The following TMPRSS9 variants were observed in gnomAD, a reference collection of about 807,000 sequenced individuals.
TMPRSS9 encodes transmembrane serine protease 9, also known as transmembrane protease serine 9.
TMPRSS9 carries 113 observed loss-of-function variants against 111.4 expected under a neutral mutation model. The observed-to-expected ratio is 1.01, with a 90% CI of 0.87 to 1.19. TMPRSS9 has a LOEUF of 1.19. Ranked by LOEUF, TMPRSS9 falls within the 50% of genes most tolerant of loss-of-function variation. The pLI is 0.00. For missense variants in TMPRSS9, 1,803 were observed against 1,513.1 expected (o/e 1.19, Z -3.18); for synonymous variants, 805 against 659.1 (o/e 1.22, Z -3.39).
intron 8 of TMPRSS9, among the ~76,000 whole-genome samples, chr19:2,409,318 T>A (rs975478809): frequency 3.3e-5 from 5 of 151,724 alleles, no homozygotes; most frequent in African/African-American, 1.2e-4. Context: ...TATTTTTGTA[T>A]TTTTTAGTAG....
intron 9 of TMPRSS9, among the ~76,000 whole-genome samples, 162 bp downstream of exon 10, chr19:2,410,556 A>G (rs933298752): frequency 1.3e-5 from 2 of 152,148 alleles, no homozygotes; most frequent in African/African-American, 2.4e-5. Flanking sequence ...TGGGCGATTC[A>G]CAGATATCTG....
intron 12 of TMPRSS9, among the ~76,000 whole-genome samples, chr19:2,417,323 G>A (rs145405215): frequency 0.013 from 1,943 of 152,092 alleles, 42 homozygotes; most frequent in African/African-American, 0.045. Context: ...AAAATTAGCC[G>A]GGTGTGGTGA....
rs373158411 is a variant in TMPRSS9 at position 2,418,353 on chromosome 19, C to T, written c.2154+215C>T. On this transcript the variant is annotated intron_variant, in intron 13 of 17. Transcript: ENST00000648592. ...TCCCTTTCCTTCCCTCCCTTTCCCT[C>T]CCTCCCTCCCTTCCCTTCCCTCCCT... Among the ~76,000 whole-genome samples the T allele has an allele frequency of 5.0e-3, 248 of 49,652 alleles. 19 individuals are homozygous for T. In the East Asian group the frequency reaches 0.062, roughly 12 times the overall value. The allele number at this position is 49,652 out of a possible 152,430, so 32.6% of individuals were successfully genotyped here. A position where few individuals can be genotyped will look rare whatever the true frequency, so the allele number is the denominator to read the frequency against.
chr19:2,367,075 A>G (rs768190924), intron 1 of TMPRSS9, among the ~76,000 whole-genome samples: 2 of 152,082 alleles, frequency 1.3e-5, no homozygotes, highest in Non-Finnish European at 2.9e-5. Context: ...AGAAAGAACA[A>G]AGCCATAGTG....
intron 17 of TMPRSS9, 29 bp downstream of exon 18, chr19:2,425,522 G>A (rs1467731135): frequency 2.2e-5 from 33 of 1,515,440 alleles, no homozygotes; most frequent in Non-Finnish European, 2.9e-5. Context: ...CAGGGGACCA[G>A]GTCCCGCCCA....
Position 2,379,621 on chromosome 19 carries a change from CT to C in TMPRSS9, c.-25-10137del, listed in dbSNP as rs1027529979. On this transcript the variant is annotated intron_variant, in intron 1 of 17. Coordinates refer to the TMPRSS9 transcript ENST00000649857. ...CCCTAAACTAACTTTCTTTCTCTTT[CT>C]TTCTTTCTTTCTTTCTTTCTTTCTT... is the stretch of plus-strand genomic sequence containing the variant. Among the ~76,000 whole-genome samples the C allele has an allele frequency of 2.8e-3, 355 of 128,566 alleles. 1 individual carries two copies. The highest frequency in any genetic ancestry group is 0.011 in the African/African-American group (342 of 31,848). The allele number at this position is 128,566 out of a possible 152,430, so 84.3% of individuals were successfully genotyped here.
chr19:2,378,212 T>C (rs982641230), intron 1 of TMPRSS9, among the ~76,000 whole-genome samples: 1 of 152,092 alleles, frequency 6.6e-6, no homozygotes, highest in African/African-American at 2.4e-5. Flanking sequence ...CAGTCTCAGG[T>C]ATTTCTTTAC....
intron 2 of TMPRSS9, among the ~76,000 whole-genome samples, chr19:2,398,532 C>T (rs139280046): frequency 0.074 from 11,266 of 151,872 alleles, 1,406 homozygotes; most frequent in African/African-American, 0.26. Context: ...GCAGCAGAAT[C>T]GCTTGAACCT....
At chr19:2,408,715 G>T (rs1319540973) in intron 8 of TMPRSS9, 85 bp downstream of exon 9, 32 of 1,516,910 alleles carry the variant, frequency 2.1e-5, no homozygotes, top group Non-Finnish European at 2.5e-5. Flanking sequence ...GGTGGCTCAC[G>T]CCTGTCATCC....
chr19:2,385,050 C>T (rs924876833), upstream of TMPRSS9, among the ~76,000 whole-genome samples: 8 of 151,700 alleles, frequency 5.3e-5, no homozygotes, highest in East Asian at 1.4e-3. Flanking sequence ...AATCCCAGCA[C>T]TTTGGGAGGC....
At chr19:2,422,915 G>A (rs1476283224) in intron 14 of TMPRSS9, among the ~76,000 whole-genome samples, 3 of 151,964 alleles carry the variant, frequency 2.0e-5, no homozygotes, top group Non-Finnish European at 2.9e-5. Context: ...TAAAAAGCCA[G>A]GCGTGATGGT....
chr19:2,415,086 A>G (rs573595959), intron 10 of TMPRSS9, among the ~76,000 whole-genome samples: 5 of 151,572 alleles, frequency 3.3e-5, no homozygotes, highest in Non-Finnish European at 5.9e-5. Flanking sequence ...CTGGGATTAC[A>G]GGTGCCCATC....
At chr19:2,397,379 C>T (rs1311143336) in intron 2 of TMPRSS9, among the ~76,000 whole-genome samples, 2 of 151,086 alleles carry the variant, frequency 1.3e-5, no homozygotes, top group African/African-American at 4.9e-5. Context: ...CAACCTCTGC[C>T]TCCCGGGTTC....
At chr19:2,395,957 G>A (rs1191719423) in intron 1 of TMPRSS9, among the ~76,000 whole-genome samples, 3 of 152,148 alleles carry the variant, frequency 2.0e-5, no homozygotes, top group African/African-American at 7.2e-5. Flanking sequence ...GCAGTGAGCC[G>A]AGATTGCGCC....
chr19:2,415,862 G>A (rs1456711789), intron 11 of TMPRSS9, 21 bp downstream of exon 12: 1 of 1,553,952 alleles, frequency 6.4e-7, no homozygotes, highest in Non-Finnish European at 8.7e-7. Flanking sequence ...CCTCCTCCAG[G>A]AAGGCTGCCC....
chr19:2,360,401 C>G (rs1040575272), intron 1 of TMPRSS9, among the ~76,000 whole-genome samples, 41 bp downstream of exon 1: 1 of 152,238 alleles, frequency 6.6e-6, no homozygotes, highest in African/African-American at 2.4e-5. Context: ...CCCCTCGGAA[C>G]AGCCCCCACT....
At position 2,379,730 on chromosome 19, in the gene TMPRSS9, T is replaced by TTCTC. The variant is rs773251268; in HGVS notation, c.-25-10014_-25-10011dup. Among the ~76,000 whole-genome samples the TTCTC allele has an allele frequency of 4.1e-5, 6 of 145,538 alleles. No individual in the cohort carries two copies. In the East Asian group the frequency reaches 5.9e-4, roughly 14 times the overall value. On this transcript the variant is annotated intron_variant, in intron 1 of 17. Coordinates refer to the TMPRSS9 transcript ENST00000649857. ...CCTCTCTCCCTTCCTCTTTTTCTCT[T>TTCTC]TCTCTCTCTCTCTCTCTCTCATTCT...
Position 2,398,873 on chromosome 19 carries a change from G to A in TMPRSS9, c.338+11G>A. ...GGTACTGAATTATAGGTGAGTTGGA[G>A]CTTCCATTGGGTGAAGGAAACTTGG... On this transcript the variant is annotated intron_variant, in intron 3 of 17. Coordinates refer to ENST00000648592, the Ensembl canonical transcript of TMPRSS9. 1.3e-6 allele frequency: 2 copies of A among 1,527,334 alleles called. No individual in the cohort carries two copies. The highest frequency in any genetic ancestry group is 1.8e-6 in the Non-Finnish European group (2 of 1,141,964). 94.6% of individuals were successfully genotyped at this position (1,527,334 alleles called of 1,614,324 possible). A position where few individuals can be genotyped will look rare whatever the true frequency, so the allele number is the denominator to read the frequency against.
At chr19:2,398,315 A>C (rs559199649) in intron 2 of TMPRSS9, among the ~76,000 whole-genome samples, 1 of 148,668 alleles carries the variant, frequency 6.7e-6, no homozygotes, top group Non-Finnish European at 1.5e-5. Flanking sequence ...ATAATAATAA[A>C]AAATTTAAAA....
Sources: allele counts gnomAD v4.1 joint callset (sites outside exome capture counted in the v4.1 genomes callset), GRCh38; gene constraint gnomAD v4.1.1; transcripts MANE v1.5; gene names NCBI Gene and HGNC (gene_info 2026-07-23, HGNC 2026-07-21).